FMNL2: variants seen among roughly 807,000 people sequenced by gnomAD.
The protein encoded by FMNL2 is formin like 2, also known as formin-like protein 2.
Under a neutral mutation model 130.2 loss-of-function variants are expected in FMNL2, and 51 were observed. The ratio of observed to expected loss-of-function variants is 0.39; its 90% CI spans 0.31 to 0.49. The LOEUF (loss-of-function observed/expected upper bound fraction) is 0.49, where lower values mean the gene tolerates loss of function less well. FMNL2 is among the 20% of genes least tolerant of loss of function. The pLI, the probability that FMNL2 is intolerant of heterozygous loss-of-function variation, is 0.85. For missense variants in FMNL2, 977 were observed against 1,316.2 expected, an observed-to-expected ratio of 0.74 and a Z score of 3.99; for synonymous variants, 465 against 467.1, an observed-to-expected ratio of 1.00 and a Z score of 0.06.
chr2:152,393,590 C>G (rs932961337), intron 1 of FMNL2, among the ~76,000 whole-genome samples: 2 of 152,210 alleles, frequency 1.3e-5, no homozygotes, highest in African/African-American at 4.8e-5. Context: ...CTTTCCTAAT[C>G]TGATAGGCCA....
chr2:152,625,773 G>C (rs1189655286), intron 16 of FMNL2, among the ~76,000 whole-genome samples: 1 of 152,114 alleles, frequency 6.6e-6, no homozygotes, highest in Non-Finnish European at 1.5e-5. Flanking sequence ...TGTTAAATTG[G>C]AATAAATGCT....
intron 2 of FMNL2, among the ~76,000 whole-genome samples, chr2:152,525,628 A>G (rs758495542): frequency 5.8e-4 from 88 of 152,222 alleles, no homozygotes; most frequent in African/African-American, 2.1e-3. Context: ...AGCGATGGAG[A>G]GAAGCAGATT....
chr2:152,471,511 A>G (rs1484491864), intron 1 of FMNL2, among the ~76,000 whole-genome samples: 1 of 152,210 alleles, frequency 6.6e-6, no homozygotes, highest in Non-Finnish European at 1.5e-5. Flanking sequence ...CAAGGGACCA[A>G]AAATAAGCAA....
At chr2:152,415,091 T>G (rs1438830171) in intron 1 of FMNL2, among the ~76,000 whole-genome samples, 1 of 152,166 alleles carries the variant, frequency 6.6e-6, no homozygotes, top group Admixed American at 6.6e-5. Flanking sequence ...TGGGTCATTT[T>G]AAGCTGTGGT....
In FMNL2 at chr2:152,468,250, C is replaced by T. The variant is rs184213304; in HGVS notation, c.118-53693C>T. Among the ~76,000 whole-genome samples the T allele has an allele frequency of 9.8e-4, 149 of 152,290 alleles. 2 individuals carry two copies. The highest frequency in any genetic ancestry group is 3.5e-3 in the African/African-American group (146 of 41,568). ...TAATGAGATTTCTCTCTTGTTTCCT[C>T]AAAAGTGAGTGTGTATAGATCTAGG... On this transcript the variant is annotated intron_variant, in intron 1 of 25. Transcript: ENST00000288670.
chr2:152,467,628 T>G (rs939519367), intron 1 of FMNL2, among the ~76,000 whole-genome samples: 3 of 152,232 alleles, frequency 2.0e-5, no homozygotes, highest in Non-Finnish European at 2.9e-5. Flanking sequence ...GTGCTTGTAT[T>G]ATTTTGTTTG....
At chr2:152,487,400 A>T (rs145571621) in intron 1 of FMNL2, among the ~76,000 whole-genome samples, 1 of 152,232 alleles carries the variant, frequency 6.6e-6, no homozygotes, top group Non-Finnish European at 1.5e-5. Context: ...CTTTAATTCC[A>T]TCTAAAAGAT....
chr2:152,609,517 CAAAAG>C (rs1698569007), intron 10 of FMNL2, among the ~76,000 whole-genome samples: 1 of 151,896 alleles, frequency 6.6e-6, no homozygotes, highest in Non-Finnish European at 1.5e-5. Context: ...TTTTTGTGGA[CAAAAG>C]AAAACAAAAA....
intron 25 of FMNL2, chr2:152,643,431 T>C (rs1683266902): frequency 1.3e-6 from 2 of 1,536,054 alleles, no homozygotes; most frequent in Middle Eastern, 1.7e-4. Context: ...CTGAAGACTG[T>C]GCCCTTTACT....
At chr2:152,435,459 A>G (rs1310321342) in intron 1 of FMNL2, among the ~76,000 whole-genome samples, 1 of 152,172 alleles carries the variant, frequency 6.6e-6, no homozygotes, top group Non-Finnish European at 1.5e-5. Flanking sequence ...CTTATGCTTA[A>G]GATTTGTCTT....
chr2:152,427,863 C>T (rs1013176990), intron 1 of FMNL2, among the ~76,000 whole-genome samples: 1 of 152,140 alleles, frequency 6.6e-6, no homozygotes, highest in Non-Finnish European at 1.5e-5. Flanking sequence ...GAATGACTCC[C>T]CCTGGGTTTG....
At chr2:152,375,993 A>C (rs1457916902) in intron 1 of FMNL2, among the ~76,000 whole-genome samples, 1 of 151,750 alleles carries the variant, frequency 6.6e-6, no homozygotes, top group Non-Finnish European at 1.5e-5. Flanking sequence ...TCCCAGGTTC[A>C]AGCGATTCTC....
intron 15 of FMNL2, among the ~76,000 whole-genome samples, chr2:152,623,707 T>C (rs1323384348): frequency 1.3e-5 from 2 of 152,084 alleles, no homozygotes; most frequent in Non-Finnish European, 2.9e-5. Flanking sequence ...AGCTCCCAAG[T>C]AGTGTGGTAG....
At chr2:152,536,044 T>C (rs1413466583) in intron 2 of FMNL2, among the ~76,000 whole-genome samples, 1 of 152,260 alleles carries the variant, frequency 6.6e-6, no homozygotes, top group African/African-American at 2.4e-5. Flanking sequence ...AAATCATTTT[T>C]TATTTGTATA....
Position 152,417,917 on chromosome 2 carries a change from G to A in FMNL2, c.117+82197G>A, listed in dbSNP as rs1189655326. ...GTCATGATCTCGGCTCACTGATCTCGCTGATTGAACCTCTGCCTTCTGGGT... is the reference window on the plus strand; with the variant it reads ...GTCATGATCTCGGCTCACTGATCTCACTGATTGAACCTCTGCCTTCTGGGT... On this transcript the variant is annotated intron_variant, in intron 1 of 25. Coordinates refer to ENST00000288670, the MANE Select transcript of FMNL2 (RefSeq NM_052905.4). 4.6e-5 allele frequency among the ~76,000 whole-genome samples: 7 copies of A among 151,880 alleles called. No homozygotes were observed. In the East Asian group the frequency reaches 1.4e-3, roughly 29 times the overall value.
intron 1 of FMNL2, among the ~76,000 whole-genome samples, chr2:152,474,513 C>A (rs1174068743): frequency 2.0e-5 from 3 of 151,972 alleles, no homozygotes; most frequent in Non-Finnish European, 2.9e-5. Flanking sequence ...AGTGAAACCT[C>A]ATCTCTACTA....
chr2:152,625,484 G>A lies in FMNL2; in HGVS notation c.1884G>A (p.Val628=), dbSNP rs1580127676. ...KPIKTKFRMP[V]FNWVALKPNQ... ...TCAAGACGAAGTTCAGAATGCCAGT[G>A]TTTAACTGGGTTGCTCTGAAGCCCA... The change falls in exon 16 of 26, where the codon GTG becomes GTA. Residue 628 remains valine (V), a synonymous_variant. Transcript: ENST00000288670. The A allele has an allele frequency of 1.2e-6, 2 of 1,611,838 alleles. No individual in the cohort carries two copies. Among genetic ancestry groups the A allele is most frequent in the Admixed American group, 3.3e-5 (2 of 60,020 alleles).
intron 9 of FMNL2, among the ~76,000 whole-genome samples, chr2:152,590,308 A>G (rs1473832814): frequency 6.6e-6 from 1 of 152,218 alleles, no homozygotes; most frequent in East Asian, 1.9e-4. Flanking sequence ...TAAGCCCTAC[A>G]CACAGGGTTA....
intron 9 of FMNL2, among the ~76,000 whole-genome samples, chr2:152,598,052 C>T (rs1274079548): frequency 6.6e-6 from 1 of 152,186 alleles, no homozygotes; most frequent in African/African-American, 2.4e-5. Flanking sequence ...GCACACCATG[C>T]ACTGATTAGA....
Sources: allele counts gnomAD v4.1 joint callset (sites outside exome capture counted in the v4.1 genomes callset), GRCh38; gene constraint gnomAD v4.1.1; transcripts MANE v1.5; gene names NCBI Gene and HGNC (gene_info 2026-07-23, HGNC 2026-07-21).